Variants in LRRC18 observed in about 807,000 individuals in gnomAD.
LRRC18 encodes leucine-rich repeat-containing protein 18.
Under a neutral mutation model 11.2 loss-of-function variants are expected in LRRC18, and 12 were observed. The ratio of observed to expected loss-of-function variants is 1.07; its 90% CI spans 0.69 to 1.74. The LOEUF (loss-of-function observed/expected upper bound fraction) is 1.74. LRRC18 is among the 40% of genes most tolerant of loss of function. The probability of loss-of-function intolerance (pLI) is 0.00; values close to 1 mark genes in which losing one functional copy is unlikely to be tolerated. For synonymous variants in LRRC18, 155 were observed against 130.6 expected, an observed-to-expected ratio of 1.19 and a Z score of -1.27; for missense variants, 374 against 330.5, an observed-to-expected ratio of 1.13 and a Z score of -1.02.
chr10:48,913,503 C>T (rs773741095), exon 1 of LRRC18: 37 of 1,613,640 alleles, frequency 2.3e-5, no homozygotes, highest in South Asian at 7.7e-5. Context: ...CAGGTTGTCC[C>T]GGGCGTTTTG....
chr10:48,910,194 A>G (rs781018329), exon 2 of LRRC18: 17 of 894,076 alleles, frequency 1.9e-5, no homozygotes, highest in East Asian at 6.5e-5. Context: ...AGAGTCGTTT[A>G]TTCTGTTAGC....
At chr10:48,934,165 T>C in the LRRC18 span, among the ~76,000 whole-genome samples, 3 of 152,228 alleles carry the variant, frequency 2.0e-5, no homozygotes, top group African/African-American at 4.8e-5. Flanking sequence ...CCCCATTTCA[T>C]TGGCCGGGAG....
chr10:48,933,804 G>A, the LRRC18 span, among the ~76,000 whole-genome samples: 1 of 152,084 alleles, frequency 6.6e-6, no homozygotes, highest in South Asian at 2.1e-4. Context: ...GTGTTCTAGG[G>A]TTTCAGGGGC....
the LRRC18 span, among the ~76,000 whole-genome samples, chr10:48,934,736 C>G: frequency 6.6e-6 from 1 of 152,216 alleles, no homozygotes; most frequent in African/African-American, 2.4e-5. Context: ...AACGAAGAAG[C>G]AGTCACAGCT....
the LRRC18 span, among the ~76,000 whole-genome samples, chr10:48,936,304 T>G: frequency 6.6e-6 from 1 of 152,158 alleles, no homozygotes; most frequent in Non-Finnish European, 1.5e-5. Flanking sequence ...CATAATTTAA[T>G]GTAGACAGCA....
the LRRC18 span, among the ~76,000 whole-genome samples, chr10:48,924,472 G>A: frequency 6.6e-6 from 1 of 152,242 alleles, no homozygotes; most frequent in Non-Finnish European, 1.5e-5. Flanking sequence ...AAAGATGTAA[G>A]TAGATAAGCA....
the LRRC18 span, among the ~76,000 whole-genome samples, chr10:48,935,614 GCTGT>G: frequency 6.6e-6 from 1 of 152,168 alleles, no homozygotes; most frequent in African/African-American, 2.4e-5. Context: ...TTTTGAGAGG[GCTGT>G]CTTTCATCTA....
chr10:48,923,774 C>A, the LRRC18 span, among the ~76,000 whole-genome samples: 4 of 152,050 alleles, frequency 2.6e-5, no homozygotes, highest in Non-Finnish European at 4.4e-5. Flanking sequence ...ACCAGATTCC[C>A]CTGAACACCA....
chr10:48,914,444 T>C (rs12242178), upstream of LRRC18, among the ~76,000 whole-genome samples: 588 of 152,238 alleles, frequency 3.9e-3, 2 homozygotes, highest in African/African-American at 0.014. Flanking sequence ...AAATAGGAGG[T>C]GCAGGGTCAG....
chr10:48,926,165 G>A, the LRRC18 span, among the ~76,000 whole-genome samples: 1 of 152,170 alleles, frequency 6.6e-6, no homozygotes, highest in South Asian at 2.1e-4. Flanking sequence ...TCCCGGGAGA[G>A]GAAGCCATCC....
At chr10:48,923,749 T>C in the LRRC18 span, among the ~76,000 whole-genome samples, 1 of 152,102 alleles carries the variant, frequency 6.6e-6, no homozygotes, top group African/African-American at 2.4e-5. Flanking sequence ...ATCTAGATTC[T>C]CACTGATTCT....
chr10:48,938,224 G>A, the LRRC18 span, among the ~76,000 whole-genome samples: 1 of 152,238 alleles, frequency 6.6e-6, no homozygotes, highest in Non-Finnish European at 1.5e-5. Context: ...AATTTGGAGA[G>A]GCAGCAGGAT....
chr10:48,931,096 AACACACACAC>A, the LRRC18 span, among the ~76,000 whole-genome samples: 110,390 of 150,254 alleles, frequency 0.73, 42,905 homozygotes, highest in East Asian at 0.98. Flanking sequence ...CTCACACTCA[AACACACACAC>A]ACACACACAC....
chr10:48,926,880 G>A, the LRRC18 span, among the ~76,000 whole-genome samples: 13 of 152,312 alleles, frequency 8.5e-5, no homozygotes, highest in South Asian at 1.0e-3. Flanking sequence ...GCAGGAACTC[G>A]TTGTTTCTCA....
the LRRC18 span, among the ~76,000 whole-genome samples, chr10:48,922,484 T>C: frequency 6.6e-6 from 1 of 152,246 alleles, no homozygotes. Context: ...ACAGCAAGAA[T>C]GAATCTTCTA....
At chr10:48,930,766 A>T in the LRRC18 span, among the ~76,000 whole-genome samples, 1 of 152,180 alleles carries the variant, frequency 6.6e-6, no homozygotes, top group Non-Finnish European at 1.5e-5. Context: ...ATAGAATGAA[A>T]TAAATAATAA....
the LRRC18 span, among the ~76,000 whole-genome samples, chr10:48,937,564 T>C: frequency 6.6e-6 from 1 of 152,198 alleles, no homozygotes; most frequent in Non-Finnish European, 1.5e-5. Flanking sequence ...TTAATGGAAA[T>C]TATGGTAACC....
chr10:48,912,344 G>A (rs12767215), intron 1 of LRRC18, among the ~76,000 whole-genome samples: 20,114 of 152,238 alleles, frequency 0.13, 1,483 homozygotes, highest in Middle Eastern at 0.22. Flanking sequence ...GGAGTTCAGT[G>A]TGGCATTATT....
At chr10:48,935,876 G>A in the LRRC18 span, among the ~76,000 whole-genome samples, 1 of 148,940 alleles carries the variant, frequency 6.7e-6, no homozygotes, top group African/African-American at 2.5e-5. Flanking sequence ...GAATAAGGCT[G>A]AAATTATCTA....
Sources: allele counts gnomAD v4.1 joint callset (sites outside exome capture counted in the v4.1 genomes callset), GRCh38; gene constraint gnomAD v4.1.1; transcripts MANE v1.5; gene names NCBI Gene and HGNC (gene_info 2026-07-23, HGNC 2026-07-21).